The following PTPRK variants were observed in gnomAD, a reference collection of about 807,000 sequenced individuals.
PTPRK encodes protein tyrosine phosphatase receptor type K.
Under a neutral mutation model 178.0 loss-of-function variants are expected in PTPRK, and 75 were observed. That is an observed-to-expected ratio of 0.42 (90% CI 0.35 to 0.51). The LOEUF (loss-of-function observed/expected upper bound fraction) is 0.51, where lower values mean the gene tolerates loss of function less well. PTPRK is among the 20% of genes least tolerant of loss of function. The probability of loss-of-function intolerance (pLI) is 0.02; values close to 1 mark genes in which losing one functional copy is unlikely to be tolerated. For missense variants in PTPRK, 1,441 were observed against 1,797.8 expected (o/e 0.80, Z 3.59); for synonymous variants, 637 against 620.6 (o/e 1.03, Z -0.39).
At chr6:128,278,851 C>T (rs1821225520) in intron 3 of PTPRK, among the ~76,000 whole-genome samples, 1 of 152,206 alleles carries the variant, frequency 6.6e-6, no homozygotes, top group South Asian at 2.1e-4. Flanking sequence ...GTATTAGAGA[C>T]AATGTTCAAG....
At position 128,075,475 on chromosome 6, in the gene PTPRK, C is replaced by T. The variant is rs192296788; in HGVS notation, c.1883+3338G>A. ...GCAATTCGTAAATGCATCATTGTGA[C>T]CTTTGGCCATGCTCATTTCTACCTC... On this transcript the variant is annotated intron_variant, in intron 11 of 29. Transcript: ENST00000368226. Among the ~76,000 whole-genome samples, 29 of 152,068 alleles carry T rather than the reference C, an allele frequency of 1.9e-4. 1 individual carries two copies. In the East Asian group the frequency reaches 4.8e-3, roughly 25 times the overall value.
intron 7 of PTPRK, among the ~76,000 whole-genome samples, chr6:128,123,775 A>C (rs1792864584): frequency 6.6e-6 from 1 of 152,140 alleles, no homozygotes; most frequent in Non-Finnish European, 1.5e-5. Flanking sequence ...TAGGACCTTA[A>C]CAGTTTTAAT....
intron 5 of PTPRK, among the ~76,000 whole-genome samples, chr6:128,234,236 G>A (rs1181853381): frequency 2.0e-5 from 3 of 152,176 alleles, no homozygotes; most frequent in African/African-American, 4.8e-5. Flanking sequence ...GGATAAAAAC[G>A]CAAGTAATGC....
chr6:128,369,302 A>G (rs1165735059), intron 2 of PTPRK, among the ~76,000 whole-genome samples: 4 of 152,176 alleles, frequency 2.6e-5, no homozygotes, highest in Admixed American at 1.3e-4. Context: ...GAGAAAAATG[A>G]AAATATTCCA....
intron 11 of PTPRK, among the ~76,000 whole-genome samples, chr6:128,078,293 TA>T (rs371099219): frequency 1.2e-3 from 179 of 152,060 alleles, no homozygotes; most frequent in African/African-American, 4.1e-3. Flanking sequence ...AATGAAAAAC[TA>T]ACAAACCAAA....
intron 7 of PTPRK, among the ~76,000 whole-genome samples, chr6:128,143,851 C>T (rs922175486): frequency 6.6e-6 from 1 of 152,184 alleles, no homozygotes; most frequent in African/African-American, 2.4e-5. Context: ...CTACTCTGCA[C>T]TTGTAATAAA....
chr6:128,396,298 C>T (rs1840288496), intron 2 of PTPRK, among the ~76,000 whole-genome samples: 1 of 148,494 alleles, frequency 6.7e-6, no homozygotes, highest in Non-Finnish European at 1.5e-5. Flanking sequence ...AAGCAATCAG[C>T]ACATTAATTA....
chr6:128,398,702 G>A (rs546547735), intron 1 of PTPRK, among the ~76,000 whole-genome samples: 1 of 152,250 alleles, frequency 6.6e-6, no homozygotes, highest in South Asian at 2.1e-4. Context: ...GCTTTATTTA[G>A]ATTACTTTCA....
chr6:128,221,836 A>C (rs967813789), intron 5 of PTPRK, among the ~76,000 whole-genome samples: 1 of 151,612 alleles, frequency 6.6e-6, no homozygotes, highest in Admixed American at 6.6e-5. Context: ...AAAAATATAA[A>C]TCCATAAAAT....
At chr6:128,013,370 C>T (rs866543922) in intron 13 of PTPRK, among the ~76,000 whole-genome samples, 3 of 151,366 alleles carry the variant, frequency 2.0e-5, no homozygotes, top group Non-Finnish European at 4.4e-5. Context: ...ACTCTCTAAT[C>T]GATATATCTC....
chr6:128,092,896 G>T (rs1180350432), intron 7 of PTPRK, among the ~76,000 whole-genome samples: 1 of 152,074 alleles, frequency 6.6e-6, no homozygotes, highest in Non-Finnish European at 1.5e-5. Context: ...TACTTGAATT[G>T]CCATAGAATA....
At chr6:128,458,663 C>G (rs1436607398) in intron 1 of PTPRK, among the ~76,000 whole-genome samples, 1 of 152,152 alleles carries the variant, frequency 6.6e-6, no homozygotes, top group Non-Finnish European at 1.5e-5. Context: ...GTAGAAATCA[C>G]TACACAATGT....
intron 15 of PTPRK, among the ~76,000 whole-genome samples, chr6:128,003,935 G>T (rs919919814): frequency 6.6e-6 from 1 of 151,440 alleles, no homozygotes; most frequent in Non-Finnish European, 1.5e-5. Flanking sequence ...TACTAATTTG[G>T]TATACATATA....
intron 3 of PTPRK, among the ~76,000 whole-genome samples, chr6:128,299,648 C>T (rs1173785955): frequency 6.6e-6 from 1 of 151,882 alleles, no homozygotes; most frequent in African/African-American, 2.4e-5. Flanking sequence ...ATAAATGGTG[C>T]TGGGAAAACT....
chr6:128,512,330 C>T (rs565866039), intron 1 of PTPRK, among the ~76,000 whole-genome samples: 2 of 152,086 alleles, frequency 1.3e-5, no homozygotes, highest in Admixed American at 6.5e-5. Flanking sequence ...ATATAGAGAA[C>T]GTTGCTATTA....
chr6:128,178,997 T>G (rs932141747), intron 7 of PTPRK, among the ~76,000 whole-genome samples: 3 of 151,956 alleles, frequency 2.0e-5, no homozygotes, highest in Non-Finnish European at 4.4e-5. Flanking sequence ...TAGAGGTAGA[T>G]CATGTTAGAC....
At chr6:127,992,507 TAC>T (rs1247471853) in intron 19 of PTPRK, among the ~76,000 whole-genome samples, 164 bp downstream of exon 19, 1 of 151,808 alleles carries the variant, frequency 6.6e-6, no homozygotes, top group Non-Finnish European at 1.5e-5. Flanking sequence ...ATATAAGCTT[TAC>T]ACACACAATA....
At chr6:128,279,579 G>A (rs746011625) in intron 3 of PTPRK, among the ~76,000 whole-genome samples, 11 of 152,106 alleles carry the variant, frequency 7.2e-5, no homozygotes, top group South Asian at 2.1e-4. Context: ...CCAAAGAGCC[G>A]TTCTTTTTTC....
chr6:128,006,189 T>G (rs1293710281), intron 14 of PTPRK: 2 of 650,128 alleles, frequency 3.1e-6, no homozygotes, highest in Non-Finnish European at 4.6e-6. Flanking sequence ...ATGTTTTTTT[T>G]GCTTTGCATT....
Sources: gnomAD v4.1 joint callset for allele counts (sites outside exome capture counted in the v4.1 genomes callset) on GRCh38, gnomAD v4.1.1 for gene constraint, MANE v1.5 for transcripts, NCBI Gene and HGNC (gene_info 2026-07-23, HGNC 2026-07-21) for gene names.